Variants in DGKH observed in about 807,000 individuals in gnomAD.
DGKH encodes the protein DAG kinase eta.
Under a neutral mutation model 159.3 loss-of-function variants are expected in DGKH, and 90 were observed. That is an observed-to-expected ratio of 0.57 (90% confidence interval 0.48 to 0.67). DGKH has a LOEUF of 0.67. DGKH is among the 30% of genes least tolerant of loss of function. The probability of loss-of-function intolerance (pLI) is 0.00; values close to 1 mark genes in which losing one functional copy is unlikely to be tolerated. For synonymous variants in DGKH, 536 were observed against 553.8 expected (o/e 0.97, Z 0.45); for missense variants, 1,181 against 1,506.1 (o/e 0.78, Z 3.57).
chr13:42,151,541 A>G (rs1955893591), intron 3 of DGKH, among the ~76,000 whole-genome samples: 1 of 136,332 alleles, frequency 7.3e-6, no homozygotes, highest in Non-Finnish European at 1.6e-5. Flanking sequence ...GTATATATAT[A>G]TATACACGTG....
rs1437989624 is a variant in DGKH, at chr13:42,155,405, C to T, written c.489+10C>T. The T allele has an allele frequency of 6.2e-7, 1 of 1,602,736 alleles. No homozygotes were observed. The highest frequency in any genetic ancestry group is 8.5e-7 in the Non-Finnish European group (1 of 1,173,042). On this transcript the variant is annotated intron_variant, in intron 4 of 29. Transcript: ENST00000337343. ...CAGAGAACCCTACGAGGTAAAATAG[C>T]ATCTTTTCTTTCATCTCGTGTTCTT...
At chr13:42,102,668 G>A (rs1170189) in intron 1 of DGKH, among the ~76,000 whole-genome samples, 36,055 of 152,210 alleles carry the variant, frequency 0.24, 4,864 homozygotes, top group African/African-American at 0.36. Flanking sequence ...TAGCCCAGAT[G>A]GGGGAGAGGA....
intron 1 of DGKH, among the ~76,000 whole-genome samples, chr13:42,042,897 A>T (rs577430680): frequency 3.2e-4 from 48 of 152,370 alleles, no homozygotes; most frequent in Non-Finnish European, 5.3e-4. Flanking sequence ...CTTAAAAAAG[A>T]CAATTTATCC....
chr13:42,052,094 C>T (rs958562158), intron 1 of DGKH, among the ~76,000 whole-genome samples: 1 of 152,114 alleles, frequency 6.6e-6, no homozygotes, highest in African/African-American at 2.4e-5. Context: ...CAGTTTTTTG[C>T]AGAAGTAAAT....
At chr13:42,186,868 A>G (rs1956942048) in intron 13 of DGKH, among the ~76,000 whole-genome samples, 181 bp from the exon 14 acceptor site, 3 of 152,236 alleles carry the variant, frequency 2.0e-5, no homozygotes, top group African/African-American at 4.8e-5. Context: ...TGCATTTATC[A>G]CTTAGAATGT....
chr13:42,126,750 T>C (rs1955178785), intron 1 of DGKH, among the ~76,000 whole-genome samples: 1 of 152,096 alleles, frequency 6.6e-6, no homozygotes, highest in Admixed American at 6.6e-5. Context: ...AAAATGCCCT[T>C]CCCCCATCTC....
Position 42,236,487 on chromosome 13 carries a change from G to C in DGKH, c.*7299G>C, listed in dbSNP as rs1594260271. On this transcript the variant is annotated 3_prime_UTR_variant, in exon 30 of 30. Coordinates refer to ENST00000337343, the MANE Select transcript of DGKH (RefSeq NM_178009.5). Reference sequence around the variant, plus strand: ...TCACCAATATTAAGGATTTAATGTAGCCAAGGGATTCAGTGTGTTATATTT... The same window carrying C: ...TCACCAATATTAAGGATTTAATGTACCCAAGGGATTCAGTGTGTTATATTT... 6.6e-6 allele frequency: 1 copy of C among 152,108 alleles called. No homozygotes were observed. Among genetic ancestry groups the C allele is most frequent in the African/African-American group, 2.4e-5 (1 of 41,406 alleles). 9.4% of individuals were successfully genotyped at this position (152,108 alleles called of 1,614,324 possible).
intron 3 of DGKH, among the ~76,000 whole-genome samples, chr13:42,151,585 A>ACG (rs1955899423): frequency 1.5e-5 from 1 of 65,018 alleles, no homozygotes; most frequent in Non-Finnish European, 3.1e-5. Flanking sequence ...GTATACACAC[A>ACG]CACACACACA....
intron 29 of DGKH, among the ~76,000 whole-genome samples, chr13:42,249,433 A>G (rs770468338): frequency 6.6e-6 from 1 of 151,942 alleles, no homozygotes; most frequent in Non-Finnish European, 1.5e-5. Context: ...CAAACAAACA[A>G]AAATACTGAT....
chr13:42,130,430 A>C (rs1289400406), intron 3 of DGKH, among the ~76,000 whole-genome samples: 1 of 152,194 alleles, frequency 6.6e-6, no homozygotes, highest in East Asian at 1.9e-4. Flanking sequence ...AAGCACAAGA[A>C]ATTCAGAGGT....
chr13:42,222,448 T>C (rs570065432), intron 29 of DGKH, among the ~76,000 whole-genome samples: 1 of 152,248 alleles, frequency 6.6e-6, no homozygotes, highest in East Asian at 1.9e-4. Context: ...ACACCACTTA[T>C]ACCTAAACAA....
At chr13:42,143,959 A>G (rs1388771767) in intron 3 of DGKH, among the ~76,000 whole-genome samples, 1 of 152,206 alleles carries the variant, frequency 6.6e-6, no homozygotes. Flanking sequence ...TAGAGAAGCA[A>G]GAGCAAACAC....
intron 1 of DGKH, among the ~76,000 whole-genome samples, chr13:42,125,585 A>G (rs114915141): frequency 8.7e-4 from 130 of 150,156 alleles, no homozygotes; most frequent in African/African-American, 2.9e-3. Flanking sequence ...ACTGACTTTC[A>G]AAAGTGTTTT....
chr13:42,219,382 G>A (rs537457250), intron 27 of DGKH, 33 bp downstream of exon 27: 1 of 1,610,168 alleles, frequency 6.2e-7, no homozygotes, highest in South Asian at 1.1e-5. Context: ...CTCTAGAAAT[G>A]TAGACCATAT....
intron 1 of DGKH, among the ~76,000 whole-genome samples, chr13:42,121,064 T>TACACACACACAC (rs1277799499): frequency 8.8e-5 from 5 of 56,756 alleles, no homozygotes; most frequent in African/African-American, 1.6e-4. Context: ...TAATATATAT[T>TACACACACACAC]ATACACACAC....
At position 42,242,136 on chromosome 13, in the gene DGKH, C is replaced by T. The variant is rs1459607857; in HGVS notation, c.*12948C>T. The T allele has an allele frequency of 1.3e-5, 2 of 152,216 alleles. No homozygotes were observed. Among genetic ancestry groups the T allele is most frequent in the Non-Finnish European group, 2.9e-5 (2 of 68,030 alleles). 9.4% of individuals were successfully genotyped at this position (152,216 alleles called of 1,614,324 possible). ...GAGGCTCAAAAGATTGGACACTTTA[C>T]CCTGACATTCAGCACATTCATTTTA... On this transcript the variant is annotated 3_prime_UTR_variant, in exon 30 of 30. Coordinates refer to ENST00000337343, the MANE Select transcript of DGKH (RefSeq NM_178009.5).
At chr13:42,211,534 C>G (rs548916413) in intron 24 of DGKH, among the ~76,000 whole-genome samples, 2 of 152,000 alleles carry the variant, frequency 1.3e-5, no homozygotes, top group Non-Finnish European at 2.9e-5. Flanking sequence ...CCCGTCTCTA[C>G]TAAAAATACA....
chr13:42,209,745 CCT>C (rs760799441), intron 23 of DGKH, among the ~76,000 whole-genome samples: 14 of 152,256 alleles, frequency 9.2e-5, no homozygotes, highest in Non-Finnish European at 1.8e-4. Flanking sequence ...TGTAAATTCC[CCT>C]GTTAACATCT....
intron 13 of DGKH, among the ~76,000 whole-genome samples, chr13:42,186,010 GGTGTGTGTGTGT>G (rs3039205): frequency 1.1e-4 from 15 of 132,288 alleles, no homozygotes; most frequent in South Asian, 2.3e-4. Flanking sequence ...TGGTGGTGGT[GGTGTGTGTGTGT>G]GTGTGTGTGT....
Sources: allele counts gnomAD v4.1 joint callset (sites outside exome capture counted in the v4.1 genomes callset), GRCh38; gene constraint gnomAD v4.1.1; transcripts MANE v1.5; gene names NCBI Gene and HGNC (gene_info 2026-07-23, HGNC 2026-07-21).